TRABD2B: variants seen among roughly 807,000 people sequenced by gnomAD.
The protein encoded by TRABD2B is TraB domain containing 2B, also known as metalloprotease TIKI2.
Under a neutral mutation model 40.1 loss-of-function variants are expected in TRABD2B, and 14 were observed. That is an observed-to-expected ratio of 0.35 (90% CI 0.23 to 0.55). The LOEUF (loss-of-function observed/expected upper bound fraction) is 0.55. Among genes scored for constraint, TRABD2B ranks in the 20% least tolerant of loss-of-function variants. TRABD2B has a pLI of 0.90. For synonymous variants in TRABD2B, 263 were observed against 277.0 expected (o/e 0.95, Z 0.50); for missense variants, 541 against 648.6 (o/e 0.83, Z 1.80).
chr1:47,936,970 T>TCACCATCACCACCACCATCATGATCAC (rs1645116193), intron 2 of TRABD2B, among the ~76,000 whole-genome samples: 2 of 139,366 alleles, frequency 1.4e-5, no homozygotes, highest in Non-Finnish European at 1.6e-5. Context: ...ATCATGATCA[T>TCACCATCACCACCACCATCATGATCAC]CACCATCACC....
At chr1:47,863,921 C>T (rs780694366) in intron 2 of TRABD2B, among the ~76,000 whole-genome samples, 21 of 152,016 alleles carry the variant, frequency 1.4e-4, no homozygotes, top group Admixed American at 9.2e-4. Flanking sequence ...AGCACTAAAA[C>T]GAAATTGGCC....
At chr1:47,884,870 C>A (rs1465400993) in intron 2 of TRABD2B, among the ~76,000 whole-genome samples, 1 of 152,124 alleles carries the variant, frequency 6.6e-6, no homozygotes, top group African/African-American at 2.4e-5. Flanking sequence ...CCCACCTCAG[C>A]CTCTCAAAGT....
In TRABD2B at chr1:47,868,346, G is replaced by C. The variant is rs529844205; in HGVS notation, c.667-66727C>G. Among the ~76,000 whole-genome samples the C allele has an allele frequency of 3.2e-4, 49 of 152,310 alleles. No homozygotes were observed. In the South Asian group the frequency reaches 0.01, roughly 32 times the overall value. Reference sequence around the variant, plus strand: ...GAAAGGACAGAAGGAAGACAGCAAAGGAGGAAGGAAGGACAGAAGGAAGAG... The same window carrying C: ...GAAAGGACAGAAGGAAGACAGCAAACGAGGAAGGAAGGACAGAAGGAAGAG... On this transcript the variant is annotated intron_variant, in intron 2 of 6. Transcript: ENST00000606738.
chr1:47,822,224 CCACTACACATTGCTTT>C (rs1327107390), intron 2 of TRABD2B, among the ~76,000 whole-genome samples: 5 of 152,140 alleles, frequency 3.3e-5, no homozygotes, highest in Non-Finnish European at 7.3e-5. Flanking sequence ...CCTGACCGAT[CCACTACACATTGCTTT>C]GGGCTCTCTT....
chr1:47,970,128 C>A (rs1002367238), intron 2 of TRABD2B, among the ~76,000 whole-genome samples: 1 of 148,884 alleles, frequency 6.7e-6, no homozygotes, highest in Non-Finnish European at 1.5e-5. Flanking sequence ...ATCAGAGACT[C>A]CTGTTTTCCA....
At chr1:47,914,412 G>A (rs543084013) in intron 2 of TRABD2B, among the ~76,000 whole-genome samples, 9 of 152,326 alleles carry the variant, frequency 5.9e-5, no homozygotes, top group South Asian at 4.1e-4. Context: ...GACAGATTCC[G>A]CGGTGCCCGC....
rs564083868 is a variant in TRABD2B at position 47,952,580 on chromosome 1, C to T, written c.666+41454G>A. The stretch of plus-strand genomic sequence containing the variant: ...TTCCTAATCCTCCAGGACTCCTTCC[C>T]TGACACTCGAAGGCCTCGAGCACAC... On this transcript the variant is annotated intron_variant, in intron 2 of 6. Coordinates refer to ENST00000606738, the MANE Select transcript of TRABD2B (RefSeq NM_001194986.2). 9.2e-5 allele frequency among the ~76,000 whole-genome samples: 14 copies of T among 152,296 alleles called. No individual in the cohort carries two copies. In the East Asian group the frequency reaches 2.5e-3, roughly 27 times the overall value.
At chr1:47,980,707 GGGCC>G (rs1645829106) in intron 2 of TRABD2B, among the ~76,000 whole-genome samples, 1 of 152,150 alleles carries the variant, frequency 6.6e-6, no homozygotes, top group African/African-American at 2.4e-5. Context: ...TACGTCTGTT[GGGCC>G]CCTCAGCCTG....
At position 47,813,840 on chromosome 1, in the gene TRABD2B, T is replaced by G. The variant is rs954730977; in HGVS notation, c.667-12221A>C. On this transcript the variant is annotated intron_variant, in intron 2 of 6. Coordinates refer to ENST00000606738, the MANE Select transcript of TRABD2B (RefSeq NM_001194986.2). The surrounding 1 kb of genome is among the most constrained non-coding windows in gnomAD (Gnocchi z 4.3). ...CTCTTCAGTCTTCAGTATGGACTAG[T>G]GCTAGGCTCTGTGCTGGGTGCCAAG... Among the ~76,000 whole-genome samples the G allele has an allele frequency of 1.3e-5, 2 of 152,198 alleles. No homozygotes were observed. The highest frequency in any genetic ancestry group is 2.9e-5 in the Non-Finnish European group (2 of 68,036).
chr1:47,772,794 C>T lies in TRABD2B; in HGVS notation c.1349+2376G>A, dbSNP rs537534630. ...CGGAGGCTGTGCCCTGCACCTGGGCCTCTCAGGGAGCTCAGGGCCTGCTCC... is the reference window on the plus strand; with the variant it reads ...CGGAGGCTGTGCCCTGCACCTGGGCTTCTCAGGGAGCTCAGGGCCTGCTCC... On this transcript the variant is annotated intron_variant, in intron 6 of 6. Coordinates refer to ENST00000606738, the MANE Select transcript of TRABD2B (RefSeq NM_001194986.2). Among the ~76,000 whole-genome samples, 19 of 152,260 alleles carry T rather than the reference C, an allele frequency of 1.2e-4. No individual in the cohort carries two copies. The South Asian group carries it at 2.1e-3, about 17-fold the overall frequency.
At chr1:47,845,021 G>T (rs1308928393) in intron 2 of TRABD2B, among the ~76,000 whole-genome samples, 1 of 152,184 alleles carries the variant, frequency 6.6e-6, no homozygotes, top group Non-Finnish European at 1.5e-5. Context: ...GACAGGTGGA[G>T]ACAGGGTGAG....
Position 47,873,151 on chromosome 1 carries a change from G to A in TRABD2B, c.667-71532C>T, listed in dbSNP as rs543545272. Among the ~76,000 whole-genome samples, 296 of 152,164 alleles carry A rather than the reference G, an allele frequency of 1.9e-3. 1 individual carries two copies. The highest frequency in any genetic ancestry group is 5.4e-3 in the Admixed American group (83 of 15,286). ...AATCATTAACAGCATTAATCCTATC[G>A]TGAGGGCAGAGCCCTCATGACCTAA... On this transcript the variant is annotated intron_variant, in intron 2 of 6. Coordinates refer to ENST00000606738, the MANE Select transcript of TRABD2B (RefSeq NM_001194986.2).
chr1:47,842,533 G>A (rs1645412930), intron 2 of TRABD2B, among the ~76,000 whole-genome samples: 2 of 152,250 alleles, frequency 1.3e-5, no homozygotes, highest in East Asian at 1.9e-4. Flanking sequence ...CAGGTGACAT[G>A]GTTTGGAAGT....
chr1:47,773,580 T>A (rs1644404708), intron 6 of TRABD2B, among the ~76,000 whole-genome samples: 1 of 152,262 alleles, frequency 6.6e-6, no homozygotes. Flanking sequence ...ATAACCCCTT[T>A]GGCTTGGTTC....
intron 2 of TRABD2B, among the ~76,000 whole-genome samples, chr1:47,803,015 C>CAA (rs903424214): frequency 4.2e-5 from 6 of 143,676 alleles, no homozygotes; most frequent in African/African-American, 1.5e-4. Flanking sequence ...TTCCTTCAAG[C>CAA]AAAAAAAAAA....
chr1:47,882,024 G>A (rs1488194256), intron 2 of TRABD2B, among the ~76,000 whole-genome samples: 2 of 152,234 alleles, frequency 1.3e-5, no homozygotes, highest in South Asian at 2.1e-4. Context: ...CCTGCCATGT[G>A]AGCGTGTGTG....
At chr1:47,962,636 C>T (rs1007898838) in intron 2 of TRABD2B, among the ~76,000 whole-genome samples, 11 of 152,244 alleles carry the variant, frequency 7.2e-5, no homozygotes, top group Non-Finnish European at 1.6e-4. Flanking sequence ...TTCATTTAGG[C>T]TTCACAGCAA....
At chr1:47,988,282 G>A (rs1645949751) in intron 2 of TRABD2B, among the ~76,000 whole-genome samples, 1 of 152,164 alleles carries the variant, frequency 6.6e-6, no homozygotes, top group Non-Finnish European at 1.5e-5. Flanking sequence ...ATATTCAGGT[G>A]CTCTGTGCCT....
intron 2 of TRABD2B, among the ~76,000 whole-genome samples, chr1:47,804,973 T>G (rs1644871479): frequency 6.6e-6 from 1 of 152,226 alleles, no homozygotes. Flanking sequence ...CAGGGACTTC[T>G]GCACCAAGGC....
Sources: gnomAD v4.1 joint callset for allele counts (sites outside exome capture counted in the v4.1 genomes callset) on GRCh38, gnomAD v4.1.1 for gene constraint, Gnocchi (gnomAD v3.1) non-coding constraint, MANE v1.5 for transcripts, NCBI Gene and HGNC (gene_info 2026-07-23, HGNC 2026-07-21) for gene names.